WASHC5: variants seen among roughly 807,000 people sequenced by gnomAD.
WASHC5 encodes WASH complex subunit strumpellin.
In WASHC5, 101 loss-of-function variants were observed where a neutral mutation model predicts 150.4. The observed-to-expected ratio is 0.67, with a 90% CI of 0.57 to 0.79. The LOEUF (loss-of-function observed/expected upper bound fraction) is 0.79. Among genes scored for constraint, WASHC5 ranks in the 30% least tolerant of loss-of-function variants. The probability of loss-of-function intolerance (pLI) is 0.00; values close to 1 mark genes in which losing one functional copy is unlikely to be tolerated. For missense variants in WASHC5, 1,195 were observed against 1,396.3 expected, an observed-to-expected ratio of 0.86 and a Z score of 2.30; for synonymous variants, 467 against 491.2, an observed-to-expected ratio of 0.95 and a Z score of 0.65.
Position 125,059,209 on chromosome 8 carries a change from G to GT in WASHC5, c.1764+12dup. On this transcript the variant is annotated intron_variant, in intron 14 of 28. Coordinates refer to ENST00000318410, the MANE Select transcript of WASHC5 (RefSeq NM_014846.4). ...TTTCCTAGCAACAGAGAATCTCACT[G>GT]TTTTTTGCTTACCTTTAGGAAGGTA... is the stretch of plus-strand genomic sequence containing the variant. The GT allele has an allele frequency of 6.3e-7, 1 of 1,597,334 alleles. No homozygotes were observed. Among genetic ancestry groups the GT allele is most frequent in the Non-Finnish European group, 8.6e-7 (1 of 1,164,986 alleles).
At position 125,039,901 on chromosome 8, in the gene WASHC5, G is replaced by C; in HGVS notation, c.2851-3C>G. 5 of 1,603,224 alleles carry C rather than the reference G, an allele frequency of 3.1e-6. No homozygotes were observed. The highest frequency in any genetic ancestry group is 4.3e-6 in the Non-Finnish European group (5 of 1,170,900). The stretch of plus-strand genomic sequence containing the variant: ...CTCAGAATCTGCATCTGCCCAACCT[G>C]TGCACAAGCAAGAGAAAGAACAGGT... On this transcript the variant is annotated splice_region_variant and splice_polypyrimidine_tract_variant and intron_variant, in intron 23 of 28. Coordinates refer to ENST00000318410, the MANE Select transcript of WASHC5 (RefSeq NM_014846.4).
chr8:125,040,501 G>T (rs777473239), intron 23 of WASHC5, among the ~76,000 whole-genome samples: 1 of 152,020 alleles, frequency 6.6e-6, no homozygotes, highest in African/African-American at 2.4e-5. Context: ...ATATGGTTTG[G>T]CTGTGCCCCC....
At chr8:125,062,548 A>G (rs534714717) in intron 11 of WASHC5, among the ~76,000 whole-genome samples, 1 of 152,282 alleles carries the variant, frequency 6.6e-6, no homozygotes, top group South Asian at 2.1e-4. Context: ...TCATATCACA[A>G]TATGGTGACC....
intron 2 of WASHC5, 60 bp downstream of exon 2, chr8:125,083,653 C>A: frequency 7.4e-7 from 1 of 1,355,092 alleles, no homozygotes. Context: ...TTCATGGTTC[C>A]CAGAGAAAAC....
intron 5 of WASHC5, among the ~76,000 whole-genome samples, chr8:125,079,507 GA>G (rs1817186606): frequency 1.3e-5 from 2 of 152,088 alleles, no homozygotes; most frequent in African/African-American, 4.8e-5. Flanking sequence ...TTATATTTTT[GA>G]AAGCCTGTTT....
chr8:125,076,551 T>G, intron 6 of WASHC5, 51 bp from the exon 7 acceptor site: 2 of 1,602,686 alleles, frequency 1.2e-6, no homozygotes, highest in South Asian at 1.1e-5. Context: ...CATTTGCACG[T>G]AGACATGCTC....
chr8:125,055,744 G>T (rs1382442241), intron 16 of WASHC5, 73 bp from the exon 17 acceptor site: 3 of 957,882 alleles, frequency 3.1e-6, no homozygotes, highest in Middle Eastern at 2.7e-4. Flanking sequence ...AACAGGAAAA[G>T]AACTTGTAGC....
chr8:125,049,571 T>G (rs1816177980), intron 18 of WASHC5, among the ~76,000 whole-genome samples: 1 of 145,162 alleles, frequency 6.9e-6, no homozygotes, highest in African/African-American at 2.6e-5. Context: ...AAATAAAAAA[T>G]AAGCCAGGCT....
At chr8:125,029,312 C>T (rs1586330227) in intron 27 of WASHC5, among the ~76,000 whole-genome samples, 1 of 152,196 alleles carries the variant, frequency 6.6e-6, no homozygotes, top group Non-Finnish European at 1.5e-5. Flanking sequence ...GGATTACAGG[C>T]GTGAGCCACC....
chr8:125,084,353 T>C lies in WASHC5; in HGVS notation c.-124-331A>G, dbSNP rs28670937. On this transcript the variant is annotated intron_variant, in intron 1 of 28. Transcript: ENST00000318410. ...ATTATACAAGCTATCTCCTACTATTTGATATATTAGCAAATAATTTCAAAC... is the reference window on the plus strand; with the variant it reads ...ATTATACAAGCTATCTCCTACTATTCGATATATTAGCAAATAATTTCAAAC... Among the ~76,000 whole-genome samples the C allele has an allele frequency of 0.32, 48,294 of 152,086 alleles. 8,942 individuals are homozygous for C. Among genetic ancestry groups the C allele is most frequent in the African/African-American group, 0.49 (20,252 of 41,446 alleles).
intron 1 of WASHC5, among the ~76,000 whole-genome samples, chr8:125,088,941 G>A (rs747008736): frequency 2.2e-4 from 34 of 152,158 alleles, no homozygotes; most frequent in Non-Finnish European, 4.9e-4. Flanking sequence ...AGTGGCTGGA[G>A]CAGAGTCAGC....
chr8:125,087,311 G>A (rs1270367909), intron 1 of WASHC5, among the ~76,000 whole-genome samples: 3 of 152,142 alleles, frequency 2.0e-5, no homozygotes, highest in Admixed American at 6.5e-5. Flanking sequence ...TGCTTCCGCT[G>A]ATTATTGCAA....
chr8:125,078,805 ACT>A lies in WASHC5; in HGVS notation c.642_643del (p.Arg214SerfsTer18). ...ACTGATGAAGGATTCGTTGATAGGCACTCTCTGGAAATAGCTCTCGGGATAGT... is the reference window on the plus strand; with the variant it reads ...ACTGATGAAGGATTCGTTGATAGGCACTCTGGAAATAGCTCTCGGGATAGT... On this transcript the variant is annotated frameshift_variant, in exon 6 of 29. Transcript: ENST00000318410. LOFTEE classifies it high-confidence loss of function. The A allele has an allele frequency of 6.2e-7, 1 of 1,613,682 alleles. No individual in the cohort carries two copies. Among genetic ancestry groups the A allele is most frequent in the Non-Finnish European group, 8.5e-7 (1 of 1,179,878 alleles).
At chr8:125,036,154 C>T (rs746763016) in intron 26 of WASHC5, among the ~76,000 whole-genome samples, 1 of 152,176 alleles carries the variant, frequency 6.6e-6, no homozygotes, top group East Asian at 1.9e-4. Context: ...AAATATTAGT[C>T]TTATCTCCTT....
intron 9 of WASHC5, among the ~76,000 whole-genome samples, chr8:125,072,907 G>A (rs1816941370): frequency 6.6e-6 from 1 of 152,134 alleles, no homozygotes. Flanking sequence ...TCAGTGACAA[G>A]CTCCTTGAAC....
chr8:125,032,290 G>A lies in WASHC5; in HGVS notation c.3286C>T (p.Leu1096=), dbSNP rs1238682322. The change falls in exon 27 of 29, where the codon CTG becomes TTG. Residue 1096 remains leucine, a synonymous_variant. Coordinates refer to ENST00000318410, the MANE Select transcript of WASHC5 (RefSeq NM_014846.4). ...QFHSRYTEQF[L]ALIGQFICST... is the part of the protein sequence containing the mutation. The stretch of plus-strand genomic sequence containing the variant: ...CAGATAAACTGGCCAATCAGCGCCA[G>A]GAACTGCTCGGTGTACCGGGAATGG... The A allele has an allele frequency of 6.2e-7, 1 of 1,614,078 alleles. No homozygotes were observed. The highest frequency in any genetic ancestry group is 8.5e-7 in the Non-Finnish European group (1 of 1,180,038).
intron 26 of WASHC5, among the ~76,000 whole-genome samples, chr8:125,035,665 G>A (rs565508223): frequency 2.0e-5 from 3 of 152,226 alleles, no homozygotes; most frequent in African/African-American, 7.2e-5. Flanking sequence ...CCTACAGCAA[G>A]TATTGTTTGA....
intron 1 of WASHC5, among the ~76,000 whole-genome samples, chr8:125,089,095 A>G (rs1817515172): frequency 6.6e-6 from 1 of 152,228 alleles, no homozygotes; most frequent in African/African-American, 2.4e-5. Flanking sequence ...CCTCTGTGAT[A>G]CTTGCTTGTT....
intron 14 of WASHC5, among the ~76,000 whole-genome samples, chr8:125,058,662 C>T (rs901292199): frequency 3.9e-5 from 6 of 151,988 alleles, no homozygotes; most frequent in Non-Finnish European, 7.4e-5. Flanking sequence ...GCAAGAGAAT[C>T]GCTTGAACCC....
Sources: allele counts gnomAD v4.1 joint callset (sites outside exome capture counted in the v4.1 genomes callset), GRCh38; gene constraint gnomAD v4.1.1; transcripts MANE v1.5; gene names NCBI Gene and HGNC (gene_info 2026-07-23, HGNC 2026-07-21).